The following KLHL32 variants were observed in gnomAD, a reference collection of about 807,000 sequenced individuals.
KLHL32 encodes kelch-like protein 32.
KLHL32 carries 35 observed loss-of-function variants against 64.8 expected under a neutral mutation model. The observed-to-expected ratio is 0.54, with a 90% CI of 0.41 to 0.72. The LOEUF (loss-of-function observed/expected upper bound fraction) is 0.72. KLHL32 is among the 30% of genes least tolerant of loss of function. KLHL32 has a pLI of 0.00. For synonymous variants in KLHL32, 259 were observed against 281.0 expected (o/e 0.92, Z 0.78); for missense variants, 589 against 768.5 (o/e 0.77, Z 2.76).
At chr6:96,923,736 T>C (rs850586), upstream of KLHL32, among the ~76,000 whole-genome samples, 8,146 of 152,334 alleles carry the variant, frequency 0.053, 254 homozygotes, top group South Asian at 0.11. Flanking sequence ...ATACTATCTT[T>C]GCAGTAAGTT....
chr6:97,084,987 T>C lies in KLHL32; in HGVS notation c.412-139T>C, dbSNP rs1793165798. 4.8e-5 allele frequency: 13 copies of C among 271,096 alleles called. No homozygotes were observed. The East Asian group carries it at 1.0e-3, about 22-fold the overall frequency. The allele number at this position is 271,096 out of a possible 1,614,324, so 16.8% of individuals were successfully genotyped here. On this transcript the variant is annotated intron_variant, in intron 5 of 10. Transcript: ENST00000369261. ...TGCAGAACTTTATAATTGTGATTTC[T>C]TTTTTTTTTTATACTAGCCCTCCCA...
At chr6:97,077,084 C>T (rs1362611883) in intron 5 of KLHL32, among the ~76,000 whole-genome samples, 11 of 152,088 alleles carry the variant, frequency 7.2e-5, no homozygotes, top group Non-Finnish European at 1.5e-4. Context: ...CCTTTATGCA[C>T]AGCTGGAGAG....
At chr6:97,032,571 C>G (rs1034959910) in intron 3 of KLHL32, among the ~76,000 whole-genome samples, 1 of 152,132 alleles carries the variant, frequency 6.6e-6, no homozygotes, top group African/African-American at 2.4e-5. Context: ...TTTTCCATTT[C>G]ATTAACCCAG....
intron 3 of KLHL32, among the ~76,000 whole-genome samples, chr6:97,001,910 G>C (rs1779084047): frequency 6.6e-6 from 1 of 152,152 alleles, no homozygotes; most frequent in Non-Finnish European, 1.5e-5. Flanking sequence ...TACTGATGCT[G>C]TTACAAAAGA....
intron 1 of KLHL32, among the ~76,000 whole-genome samples, chr6:96,939,716 C>T (rs1277463395): frequency 1.3e-5 from 2 of 152,158 alleles, no homozygotes; most frequent in African/African-American, 2.4e-5. Flanking sequence ...AAGGACTGCA[C>T]ACAGGCCTAT....
At chr6:96,903,250 T>C in the KLHL32 span, among the ~76,000 whole-genome samples, 1 of 151,662 alleles carries the variant, frequency 6.6e-6, no homozygotes, top group Non-Finnish European at 1.5e-5. Context: ...TTTTTTTAAA[T>C]TGAAAGAAAA....
At chr6:96,985,074 C>A (rs1776845498) in intron 3 of KLHL32, among the ~76,000 whole-genome samples, 1 of 152,144 alleles carries the variant, frequency 6.6e-6, no homozygotes, top group South Asian at 2.1e-4. Flanking sequence ...CTGGTGGTGA[C>A]AAAATCTCTC....
intron 3 of KLHL32, among the ~76,000 whole-genome samples, chr6:97,001,895 C>A (rs1308228519): frequency 6.6e-6 from 1 of 152,068 alleles, no homozygotes; most frequent in Non-Finnish European, 1.5e-5. Flanking sequence ...CTAAGAAGAG[C>A]GTTATACTGA....
intron 1 of KLHL32, among the ~76,000 whole-genome samples, chr6:96,962,672 C>T (rs1582494619): frequency 6.6e-6 from 1 of 152,238 alleles, no homozygotes; most frequent in East Asian, 1.9e-4. Flanking sequence ...AAAGAAGACA[C>T]ACAATGATGT....
At chr6:97,036,128 G>A (rs767907344) in intron 3 of KLHL32, among the ~76,000 whole-genome samples, 24 of 151,912 alleles carry the variant, frequency 1.6e-4, no homozygotes, top group Non-Finnish European at 2.9e-4. Context: ...GAAGTTCTCT[G>A]TCGCATTTTT....
chr6:96,916,526 C>T, the KLHL32 span, among the ~76,000 whole-genome samples: 1 of 152,204 alleles, frequency 6.6e-6, no homozygotes, highest in South Asian at 2.1e-4. Flanking sequence ...AACCTATTTT[C>T]CTTTGCCTTG....
chr6:96,902,502 A>G, the KLHL32 span, among the ~76,000 whole-genome samples: 4 of 152,202 alleles, frequency 2.6e-5, no homozygotes, highest in Admixed American at 2.6e-4. Flanking sequence ...CCTTTGTCAG[A>G]TGCATGGATT....
intron 7 of KLHL32, among the ~76,000 whole-genome samples, chr6:97,122,092 A>G (rs902805773): frequency 6.6e-6 from 1 of 152,258 alleles, no homozygotes; most frequent in Non-Finnish European, 1.5e-5. Flanking sequence ...TATCTGCATT[A>G]TGGTTGATTT....
At chr6:97,027,471 T>C (rs1562257415) in intron 3 of KLHL32, among the ~76,000 whole-genome samples, 1 of 152,214 alleles carries the variant, frequency 6.6e-6, no homozygotes, top group Admixed American at 6.5e-5. Flanking sequence ...ATATTCTGAA[T>C]GATTTGTGTC....
At chr6:96,943,509 TC>T in intron 1 of KLHL32, among the ~76,000 whole-genome samples, 1 of 152,200 alleles carries the variant, frequency 6.6e-6, no homozygotes, top group Admixed American at 6.5e-5. Flanking sequence ...CAGCTGTAAA[TC>T]CCACAAACTG....
intron 1 of KLHL32, among the ~76,000 whole-genome samples, chr6:96,931,895 T>G (rs1396659800): frequency 2.0e-5 from 3 of 152,166 alleles, no homozygotes; most frequent in Admixed American, 6.6e-5. Flanking sequence ...AAAAGCCTAC[T>G]CTAAATGTGA....
Position 97,139,473 on chromosome 6 carries a change from C to T in KLHL32, c.*191C>T, listed in dbSNP as rs1025366960. 2.5e-5 allele frequency: 14 copies of T among 560,688 alleles called. No individual in the cohort carries two copies. In the East Asian group the frequency reaches 4.2e-4, roughly 17 times the overall value. The allele number at this position is 560,688 out of a possible 1,614,324, so 34.7% of individuals were successfully genotyped here. ...CGTCACCCTTCTCAGTGTATGTCAA[C>T]ATTCAATATGTATGACTTTTATTGT... is the stretch of plus-strand genomic sequence containing the variant. On this transcript the variant is annotated 3_prime_UTR_variant, in exon 11 of 11. Transcript: ENST00000369261.
chr6:97,100,799 C>CTTTTTTTTTTTTT (rs763909891), intron 6 of KLHL32, among the ~76,000 whole-genome samples: 1 of 96,274 alleles, frequency 1.0e-5, no homozygotes, highest in Admixed American at 1.2e-4. Context: ...GCTCATTATT[C>CTTTTTTTTTTTTT]TTTTTTTTTT....
upstream of KLHL32, among the ~76,000 whole-genome samples, chr6:96,920,271 AC>A (rs1411885267): frequency 6.6e-6 from 1 of 152,212 alleles, no homozygotes; most frequent in Non-Finnish European, 1.5e-5. Flanking sequence ...CACCTCCAGG[AC>A]CTGTTGGCAC....
Sources: gnomAD v4.1 joint callset for allele counts (sites outside exome capture counted in the v4.1 genomes callset) on GRCh38, gnomAD v4.1.1 for gene constraint, MANE v1.5 for transcripts, NCBI Gene and HGNC (gene_info 2026-07-23, HGNC 2026-07-21) for gene names.